The following LRRTM4 variants were observed in gnomAD, a reference collection of about 807,000 sequenced individuals.
The protein encoded by LRRTM4 is leucine-rich repeat transmembrane neuronal protein 4.
In LRRTM4, 25 loss-of-function variants were observed where a neutral mutation model predicts 47.6. That is an observed-to-expected ratio of 0.53 (90% CI 0.38 to 0.73). LRRTM4 has a LOEUF of 0.73. LRRTM4 is among the 30% of genes least tolerant of loss of function. LRRTM4 has a pLI of 0.00. For missense variants in LRRTM4, 638 were observed against 713.4 expected (o/e 0.89, Z 1.20); for synonymous variants, 311 against 269.5 (o/e 1.15, Z -1.51).
chr2:77,273,260 G>T (rs1368704313), intron 3 of LRRTM4, among the ~76,000 whole-genome samples: 1 of 152,090 alleles, frequency 6.6e-6, no homozygotes, highest in Admixed American at 6.6e-5. Flanking sequence ...GGGAAAAAAT[G>T]CATAAATTAC....
chr2:76,817,600 A>T (rs1670937710), intron 3 of LRRTM4, among the ~76,000 whole-genome samples: 1 of 151,988 alleles, frequency 6.6e-6, no homozygotes, highest in East Asian at 1.9e-4. Context: ...GCATTCTGTA[A>T]TTCCATTCTT....
chr2:76,788,948 TC>T (rs1215951469), intron 3 of LRRTM4, among the ~76,000 whole-genome samples: 3 of 152,204 alleles, frequency 2.0e-5, no homozygotes, highest in African/African-American at 7.2e-5. Flanking sequence ...GGTTTTATTT[TC>T]TACATTGTAC....
intron 3 of LRRTM4, among the ~76,000 whole-genome samples, chr2:76,843,041 C>T (rs961848830): frequency 6.6e-6 from 1 of 152,190 alleles, no homozygotes; most frequent in Non-Finnish European, 1.5e-5. Context: ...AAGGTTTACA[C>T]ATTTCGGCTC....
intron 3 of LRRTM4, among the ~76,000 whole-genome samples, chr2:77,094,794 A>G (rs529266404): frequency 6.6e-5 from 10 of 152,330 alleles, no homozygotes; most frequent in African/African-American, 2.4e-4. Context: ...ACATGGGATG[A>G]AAGACTTACA....
At chr2:77,406,142 G>A (rs976128998) in intron 3 of LRRTM4, among the ~76,000 whole-genome samples, 5 of 151,974 alleles carry the variant, frequency 3.3e-5, no homozygotes, top group African/African-American at 9.7e-5. Flanking sequence ...GTGGTAGTGG[G>A]CTGGGGGAGG....
intron 3 of LRRTM4, among the ~76,000 whole-genome samples, chr2:77,347,588 T>C (rs1671614541): frequency 6.6e-6 from 1 of 152,082 alleles, no homozygotes; most frequent in Non-Finnish European, 1.5e-5. Flanking sequence ...ATTAGTTGTG[T>C]TTTTTAAATA....
intron 3 of LRRTM4, among the ~76,000 whole-genome samples, chr2:77,290,965 A>T (rs888048438): frequency 6.6e-6 from 1 of 152,086 alleles, no homozygotes; most frequent in African/African-American, 2.4e-5. Flanking sequence ...TATACATAAG[A>T]GTCCCAGAGG....
chr2:77,196,086 G>A (rs1673817748), intron 3 of LRRTM4, among the ~76,000 whole-genome samples: 1 of 152,120 alleles, frequency 6.6e-6, no homozygotes, highest in Non-Finnish European at 1.5e-5. Flanking sequence ...ACATTTATTA[G>A]TACATTAGAA....
rs374452146 is a variant in LRRTM4 at position 76,758,805 on chromosome 2, C to A, written c.1552-9889G>T. Among the ~76,000 whole-genome samples, 677 of 152,208 alleles carry A rather than the reference C, an allele frequency of 4.4e-3. 14 individuals carry two copies. The South Asian group carries it at 0.063, about 14-fold the overall frequency. ...GGTAAATATTTATCACAGAGGTTGG[C>A]AAACGTTTTCTATAAAGGGTCAATA... On this transcript the variant is annotated intron_variant, in intron 3 of 3. Transcript: ENST00000409884.
intron 3 of LRRTM4, among the ~76,000 whole-genome samples, chr2:77,043,049 C>G (rs1679090626): frequency 6.6e-6 from 1 of 151,712 alleles, no homozygotes; most frequent in Non-Finnish European, 1.5e-5. Context: ...CCTAGGAAAC[C>G]TTCTCCATGG....
At chr2:77,298,702 C>T (rs1677041738) in intron 3 of LRRTM4, among the ~76,000 whole-genome samples, 1 of 152,112 alleles carries the variant, frequency 6.6e-6, no homozygotes, top group Admixed American at 6.5e-5. Context: ...ATGCAGTTTG[C>T]CAATACTCTC....
intron 3 of LRRTM4, among the ~76,000 whole-genome samples, chr2:76,927,685 A>T (rs977742457): frequency 2.0e-5 from 3 of 152,118 alleles, no homozygotes; most frequent in East Asian, 1.9e-4. Context: ...AATATATATC[A>T]TTTAGTATCC....
chr2:77,334,026 C>T (rs942018524), intron 3 of LRRTM4, among the ~76,000 whole-genome samples: 1 of 152,164 alleles, frequency 6.6e-6, no homozygotes, highest in African/African-American at 2.4e-5. Context: ...TATTTAACTG[C>T]CCCGCTGGAT....
At chr2:77,098,990 G>T (rs143389335) in intron 3 of LRRTM4, among the ~76,000 whole-genome samples, 2 of 151,896 alleles carry the variant, frequency 1.3e-5, no homozygotes, top group African/African-American at 2.4e-5. Context: ...ATAATGGGGA[G>T]TAAGTGGAAC....
intron 3 of LRRTM4, among the ~76,000 whole-genome samples, chr2:77,216,560 T>C (rs1162543328): frequency 6.6e-6 from 1 of 151,838 alleles, no homozygotes; most frequent in Non-Finnish European, 1.5e-5. Flanking sequence ...AATAAATAAA[T>C]AAATAAGAAA....
At chr2:76,925,490 T>C (rs1478919753) in intron 3 of LRRTM4, among the ~76,000 whole-genome samples, 1 of 152,122 alleles carries the variant, frequency 6.6e-6, no homozygotes, top group Admixed American at 6.6e-5. Context: ...AGATAAAAAA[T>C]GAGTGTTGAT....
chr2:76,767,323 T>A (rs760415383), intron 3 of LRRTM4, among the ~76,000 whole-genome samples: 6 of 152,220 alleles, frequency 3.9e-5, no homozygotes, highest in Non-Finnish European at 7.3e-5. Flanking sequence ...TAACATTTAT[T>A]GAGTGATGTC....
At chr2:76,956,540 T>C (rs1675680397) in intron 3 of LRRTM4, among the ~76,000 whole-genome samples, 1 of 151,182 alleles carries the variant, frequency 6.6e-6, no homozygotes, top group East Asian at 2.0e-4. Flanking sequence ...TCTAACTTTA[T>C]ACCTCAAAGA....
At chr2:77,269,433 A>AT (rs1385834732) in intron 3 of LRRTM4, among the ~76,000 whole-genome samples, 1 of 152,182 alleles carries the variant, frequency 6.6e-6, no homozygotes. Flanking sequence ...AAAGTACATG[A>AT]TAAAAAGAAG....
Sources: gnomAD v4.1 joint callset for allele counts (sites outside exome capture counted in the v4.1 genomes callset) on GRCh38, gnomAD v4.1.1 for gene constraint, MANE v1.5 for transcripts, NCBI Gene and HGNC (gene_info 2026-07-23, HGNC 2026-07-21) for gene names.